The following VWA5B1 variants were observed in gnomAD, a reference collection of about 807,000 sequenced individuals.
VWA5B1 encodes von Willebrand factor A domain containing 5B1.
VWA5B1 carries 115 observed loss-of-function variants against 118.2 expected under a neutral mutation model. The ratio of observed to expected loss-of-function variants is 0.97; its 90% CI spans 0.84 to 1.14. The LOEUF is 1.14. Ranked by LOEUF, VWA5B1 falls within the 50% of genes most tolerant of loss-of-function variation. VWA5B1 has a pLI of 0.00. For synonymous variants in VWA5B1, 682 were observed against 658.4 expected (o/e 1.04, Z -0.55); for missense variants, 1,596 against 1,603.8 (o/e 1.00, Z 0.08).
rs371283148 is a variant in VWA5B1 at position 20,328,284 on chromosome 1, G to A, written c.1254+284G>A. 5.3e-5 allele frequency among the ~76,000 whole-genome samples: 8 copies of A among 152,310 alleles called. No individual in the cohort carries two copies. The South Asian group carries it at 1.5e-3, about 28-fold the overall frequency. ...AGAAATGAGGTACGGAAAGTGGGTAGAGAGAGGACATAGCCCAGGCCTGCC... is the reference window on the plus strand; with the variant it reads ...AGAAATGAGGTACGGAAAGTGGGTAAAGAGAGGACATAGCCCAGGCCTGCC... On this transcript the variant is annotated intron_variant, in intron 9 of 21. Transcript: ENST00000289815.
At position 20,357,307 on chromosome 1, in the gene VWA5B1, G is replaced by A. The variant is rs2090247394; in HGVS notation, c.*3044G>A. On this transcript the variant is annotated 3_prime_UTR_variant, in exon 22 of 22. Coordinates refer to ENST00000289815, the MANE Select transcript of VWA5B1 (RefSeq NM_001039500.3). ...GGAATGACGGGGGTTCACAAGATCA[G>A]CATTTCCAACCCTGTTCCTCACTTA... Among the ~76,000 whole-genome samples the A allele has an allele frequency of 6.6e-6, 1 of 152,224 alleles. No individual in the cohort carries two copies. Among genetic ancestry groups the A allele is most frequent in the Non-Finnish European group, 1.5e-5 (1 of 68,036 alleles).
At position 20,355,675 on chromosome 1, in the gene VWA5B1, C is replaced by A. The variant is rs2090216395; in HGVS notation, c.*1412C>A. Reference sequence around the variant, plus strand: ...TGCGGGCTCTGGCGCAAGCCCCGGCCTCAGGAAGACTCGAGGGGTGTGCAG... The same window carrying A: ...TGCGGGCTCTGGCGCAAGCCCCGGCATCAGGAAGACTCGAGGGGTGTGCAG... On this transcript the variant is annotated 3_prime_UTR_variant, in exon 22 of 22. Coordinates refer to ENST00000289815, the MANE Select transcript of VWA5B1 (RefSeq NM_001039500.3). Among the ~76,000 whole-genome samples, 1 of 152,242 alleles carries A rather than the reference C, an allele frequency of 6.6e-6. No individual in the cohort carries two copies. Among genetic ancestry groups the A allele is most frequent in the Non-Finnish European group, 1.5e-5 (1 of 68,038 alleles).
At chr1:20,350,298 G>A in intron 19 of VWA5B1, 68 bp downstream of exon 19, 1 of 1,522,864 alleles carries the variant, frequency 6.6e-7, no homozygotes. Flanking sequence ...GGTCAGGAGA[G>A]TATCTTAGCA....
Position 20,323,527 on chromosome 1 carries a change from G to A in VWA5B1, c.1138G>A (p.Val380Ile). ...SSMSGISMHRVKDAMLVALKS... is the reference protein window; with the variant it reads ...SSMSGISMHRIKDAMLVALKS... ...CATGAGCGGGATCAGCATGCACCGA[G>A]TCAAGGTACCTGCTGAGAGAACCCC... Residue 380 changes from valine to isoleucine, a missense_variant, in exon 8 of 22, where the codon GTC becomes ATC. Coordinates refer to ENST00000289815, the MANE Select transcript of VWA5B1 (RefSeq NM_001039500.3). The A allele has an allele frequency of 6.9e-7, 1 of 1,456,338 alleles. No homozygotes were observed. The highest frequency in any genetic ancestry group is 9.1e-7 in the Non-Finnish European group (1 of 1,098,736). 90.2% of individuals were successfully genotyped at this position (1,456,338 alleles called of 1,614,324 possible).
At position 20,317,673 on chromosome 1, in the gene VWA5B1, C is replaced by T; in HGVS notation, c.707C>T (p.Ala236Val). 1 of 1,550,544 alleles carries T rather than the reference C, an allele frequency of 6.4e-7. No homozygotes were observed. The highest frequency in any genetic ancestry group is 8.7e-7 in the Non-Finnish European group (1 of 1,146,400). Residue 236 changes from alanine (A) to valine (V), a missense_variant and splice_region_variant, in exon 5 of 22, where the codon GCA becomes GTA. Ala to Val is a moderately conservative substitution (Grantham distance 64). Transcript: ENST00000289815. Reference protein sequence around the residue: ...QLEIRGPCLLAGVESPTHEIR... With the variant: ...QLEIRGPCLLVGVESPTHEIR... ...GAGATCCGTGGGCCATGTCTGCTCG[C>T]AGGTGAGAGGGAGACATCCAGACGG... is the stretch of plus-strand genomic sequence containing the variant.
chr1:20,328,169 CTGTT>C (rs1199698517), intron 9 of VWA5B1, among the ~76,000 whole-genome samples, 169 bp downstream of exon 9: 1 of 152,154 alleles, frequency 6.6e-6, no homozygotes, highest in Non-Finnish European at 1.5e-5. Flanking sequence ...GAAACTATCT[CTGTT>C]TGGACATTTT....
At chr1:20,296,890 G>A (rs1469892471) in intron 1 of VWA5B1, among the ~76,000 whole-genome samples, 1 of 152,238 alleles carries the variant, frequency 6.6e-6, no homozygotes, top group Non-Finnish European at 1.5e-5. Context: ...TTTAATGCTT[G>A]TAGAGTTTAT....
chr1:20,296,274 C>T (rs1487763429), intron 1 of VWA5B1, among the ~76,000 whole-genome samples: 2 of 152,230 alleles, frequency 1.3e-5, no homozygotes, highest in Non-Finnish European at 2.9e-5. Context: ...CAGCGTTGAT[C>T]CCTGCCCTTC....
In VWA5B1 at chr1:20,352,158, G is replaced by T; in HGVS notation, c.3127G>T (p.Asp1043Tyr). ...GTCGACCTCCGGGAACCAGAGCTTCGACTACATACCTCTGGTGAGTGCCCT... is the reference window on the plus strand; with the variant it reads ...GTCGACCTCCGGGAACCAGAGCTTCTACTACATACCTCTGGTGAGTGCCCT... ...VESTSGNQSF[D>Y]YIPLVSLQLA... Residue 1043 changes from aspartate to tyrosine, a missense_variant, in exon 21 of 22, where the codon GAC (aspartate) becomes TAC (tyrosine). Coordinates refer to ENST00000289815, the MANE Select transcript of VWA5B1 (RefSeq NM_001039500.3). 6.4e-7 allele frequency: 1 copy of T among 1,551,014 alleles called. No homozygotes were observed. Among genetic ancestry groups the T allele is most frequent in the Non-Finnish European group, 8.7e-7 (1 of 1,146,816 alleles).
intron 8 of VWA5B1, among the ~76,000 whole-genome samples, chr1:20,327,664 ATGGTGGTGGTGGTGG>A (rs112567851): frequency 2.1e-5 from 3 of 144,934 alleles, no homozygotes; most frequent in East Asian, 2.2e-4. Flanking sequence ...GATGATGATG[ATGGTGGTGGTGGTGG>A]TGGTGGTGGT....
chr1:20,331,630 G>T (rs186945546), intron 11 of VWA5B1, among the ~76,000 whole-genome samples: 1 of 152,246 alleles, frequency 6.6e-6, no homozygotes, highest in Admixed American at 6.5e-5. Context: ...CAGCCATCCA[G>T]CAGGGAGCTC....
At chr1:20,301,224 C>T (rs967918756) in intron 1 of VWA5B1, among the ~76,000 whole-genome samples, 5 of 152,222 alleles carry the variant, frequency 3.3e-5, no homozygotes, top group Admixed American at 6.5e-5. Flanking sequence ...TGCCCAGATG[C>T]AGTCATAGTG....
intron 9 of VWA5B1, among the ~76,000 whole-genome samples, chr1:20,328,503 G>A (rs2089453963): frequency 6.6e-6 from 1 of 152,060 alleles, no homozygotes; most frequent in African/African-American, 2.4e-5. Flanking sequence ...CAAAATTGGA[G>A]CATCCTACCC....
At chr1:20,309,896 C>T (rs539289527) in intron 1 of VWA5B1, among the ~76,000 whole-genome samples, 40 of 116,846 alleles carry the variant, frequency 3.4e-4, no homozygotes, top group Admixed American at 1.1e-4. Context: ...TGGGTCTTGG[C>T]GATGGATTGG....
chr1:20,323,571 C>T, intron 8 of VWA5B1, 39 bp downstream of exon 8: 10 of 1,344,050 alleles, frequency 7.4e-6, no homozygotes, highest in Non-Finnish European at 9.6e-6. Flanking sequence ...ACCCGGGGCT[C>T]CAGGGGAAAT....
At position 20,318,633 on chromosome 1, in the gene VWA5B1, A is replaced by T. The variant is rs889978520; in HGVS notation, c.753A>T (p.Pro251=). The change falls in exon 6 of 22, where the codon CCA becomes CCT. Residue 251 remains proline (P), a synonymous_variant. Coordinates refer to ENST00000289815, the MANE Select transcript of VWA5B1 (RefSeq NM_001039500.3). ...PTHEIRADAA[P]SARSAKSIII... is the part of the protein sequence containing the mutation. ...ATGAGATTCGTGCCGACGCCGCCCC[A>T]TCTGCCCGCTCGGCCAAGAGCATCA... The T allele has an allele frequency of 6.4e-7, 1 of 1,550,672 alleles. No homozygotes were observed. Among genetic ancestry groups the T allele is most frequent in the African/African-American group, 1.4e-5 (1 of 72,940 alleles).
At chr1:20,350,021 G>A (rs879167283) in intron 18 of VWA5B1, 135 bp from the exon 19 acceptor site, 8 of 814,242 alleles carry the variant, frequency 9.8e-6, no homozygotes, top group South Asian at 8.0e-5. Flanking sequence ...AGGCCCATCC[G>A]AGCAGGGGTG....
chr1:20,318,461 C>A, intron 5 of VWA5B1, 129 bp from the exon 6 acceptor site: 1 of 1,330,558 alleles, frequency 7.5e-7, no homozygotes. Context: ...GGTCACACTG[C>A]AGGTCAGGAG....
intron 1 of VWA5B1, among the ~76,000 whole-genome samples, chr1:20,301,172 G>A (rs917260165): frequency 1.3e-5 from 2 of 152,252 alleles, no homozygotes; most frequent in African/African-American, 4.8e-5. Flanking sequence ...TCTGAGGGCT[G>A]TAGGTGGCCA....
Sources: gnomAD v4.1 joint callset for allele counts (sites outside exome capture counted in the v4.1 genomes callset) on GRCh38, gnomAD v4.1.1 for gene constraint, MANE v1.5 for transcripts, NCBI Gene and HGNC (gene_info 2026-07-23, HGNC 2026-07-21) for gene names.